The following DIO2 variants were observed in gnomAD, a reference collection of about 807,000 sequenced individuals.
DIO2 encodes type II iodothyronine deiodinase.
In DIO2, 19 loss-of-function variants were observed where a neutral mutation model predicts 21.4. The ratio of observed to expected loss-of-function variants is 0.89; its 90% CI spans 0.62 to 1.30. The LOEUF is 1.30. Ranked by LOEUF, DIO2 falls within the 50% of genes most tolerant of loss-of-function variation. DIO2 has a pLI of 0.00. For missense variants in DIO2, 302 were observed against 338.1 expected (o/e 0.89, Z 0.84); for synonymous variants, 122 against 132.9 (o/e 0.92, Z 0.57).
intron 2 of DIO2, among the ~76,000 whole-genome samples, chr14:80,221,048 A>G (rs1458506110): frequency 6.6e-6 from 1 of 152,228 alleles, no homozygotes; most frequent in Non-Finnish European, 1.5e-5. Context: ...AAAAATTTCA[A>G]ACATATGCAA....
At position 80,198,209 on chromosome 14, in the gene DIO2, C is replaced by T. The variant is rs934934996; in HGVS notation, c.*4480G>A. The T allele has an allele frequency of 1.1e-4, 17 of 152,662 alleles. No individual in the cohort carries two copies. Among genetic ancestry groups the T allele is most frequent in the African/African-American group, 3.6e-4 (15 of 41,534 alleles). 9.5% of individuals were successfully genotyped at this position (152,662 alleles called of 1,614,324 possible). A position where few individuals can be genotyped will look rare whatever the true frequency, so the allele number is the denominator to read the frequency against. On this transcript the variant is annotated 3_prime_UTR_variant, in exon 2 of 2. Transcript: ENST00000438257. ...CTTCATTAAACATCTGCTGGGTCTT[C>T]GAAGTCTCAGTAAATATTGAATAAG...
upstream of DIO2, chr14:80,211,605 A>T (rs1888204887): frequency 1.6e-6 from 1 of 644,558 alleles, no homozygotes; most frequent in Admixed American, 3.0e-5. Flanking sequence ...AAGGGGAAAA[A>T]AAACTAAATT....
intron 1 of DIO2, chr14:80,205,838 T>C: frequency 3.3e-6 from 2 of 604,512 alleles, no homozygotes; most frequent in Non-Finnish European, 4.6e-6. Context: ...GTATTTATTT[T>C]ATTGAATGAA....
At chr14:80,227,349 C>A (rs1057438166) in intron 2 of DIO2, among the ~76,000 whole-genome samples, 2 of 152,162 alleles carry the variant, frequency 1.3e-5, no homozygotes, top group African/African-American at 4.8e-5. Flanking sequence ...GCCTTCAGGA[C>A]CTGCTCGAGC....
chr14:80,212,687 C>A (rs1306223528), upstream of DIO2, among the ~76,000 whole-genome samples: 2 of 151,942 alleles, frequency 1.3e-5, no homozygotes, highest in African/African-American at 2.4e-5. Flanking sequence ...GACCTAGGTC[C>A]TTTAAATTTT....
At chr14:80,230,901 A>G (rs895120169) in intron 2 of DIO2, 9 of 152,284 alleles carry the variant, frequency 5.9e-5, no homozygotes, top group Admixed American at 5.2e-4. Flanking sequence ...ATTATCTTAC[A>G]TGATCACAAC....
At chr14:80,229,652 G>A (rs887724095) in intron 2 of DIO2, among the ~76,000 whole-genome samples, 9 of 152,148 alleles carry the variant, frequency 5.9e-5, no homozygotes, top group South Asian at 4.1e-4. Context: ...TTTCTAGCTC[G>A]CTCACAGTGT....
Position 80,203,252 on chromosome 14 carries a change from C to A in DIO2, c.259G>T (p.Val87Leu), listed in dbSNP as rs1887815472. 6.2e-7 allele frequency: 1 copy of A among 1,602,570 alleles called. No homozygotes were observed. The highest frequency in any genetic ancestry group is 8.5e-7 in the Non-Finnish European group (1 of 1,174,662). ...LGEDAPNSSVVHVSSTEGGDN... is the reference protein window; with the variant it reads ...LGEDAPNSSVLHVSSTEGGDN... ...CCTCCTTCTGTACTGGAGACATGCA[C>A]CACACTGGAATTGGGGGCATCCTCA... The change falls in exon 2 of 2, where the codon GTG becomes TTG. Residue 87 changes from valine (V) to leucine (L), a missense_variant. Transcript: ENST00000438257.
At position 80,203,030 on chromosome 14, in the gene DIO2, TGTAGACCAGC is replaced by T; in HGVS notation, c.471_480del (p.Val159MetfsTer?). 6.2e-7 allele frequency: 1 copy of T among 1,613,916 alleles called. No homozygotes were observed. Among genetic ancestry groups the T allele is most frequent in the Non-Finnish European group, 8.5e-7 (1 of 1,179,864 alleles). On this transcript the variant is annotated frameshift_variant, in exon 2 of 2. Coordinates refer to ENST00000438257, the MANE Select transcript of DIO2 (RefSeq NM_013989.5). LOFTEE classifies it high-confidence loss of function. ...CCATCTGATGGATGAGCCTCATCAA[TGTAGACCAGC>T]AGGAAGTCAGCCACTGAGGAGAACT... is the stretch of plus-strand genomic sequence containing the variant.
chr14:80,202,445 C>T lies in DIO2; in HGVS notation c.*244G>A. 2.8e-6 allele frequency: 2 copies of T among 726,988 alleles called. No individual in the cohort carries two copies. The highest frequency in any genetic ancestry group is 5.1e-6 in the Non-Finnish European group (2 of 395,400). The allele number at this position is 726,988 out of a possible 1,614,324, so 45.0% of individuals were successfully genotyped here. A position where few individuals can be genotyped will look rare whatever the true frequency, so the allele number is the denominator to read the frequency against. Reference sequence around the variant, plus strand: ...TGCTGAATTAGCGTTTCTTCCTCTCCATCTTGGGATCTTTTCACATAGGGC... The same window carrying T: ...TGCTGAATTAGCGTTTCTTCCTCTCTATCTTGGGATCTTTTCACATAGGGC... On this transcript the variant is annotated 3_prime_UTR_variant, in exon 2 of 2. Transcript: ENST00000438257.
In DIO2 at chr14:80,202,110, C is replaced by T. The variant is rs1887751892; in HGVS notation, c.*579G>A. On this transcript the variant is annotated 3_prime_UTR_variant, in exon 2 of 2. Transcript: ENST00000438257. ...TCATTCTCGGTATCTACAAATATAC[C>T]AATAATTTCTGGGGTATGAAGACTG... 5 of 300,146 alleles carry T rather than the reference C, an allele frequency of 1.7e-5. No homozygotes were observed. In the East Asian group the frequency reaches 2.8e-4, roughly 17 times the overall value. The allele number at this position is 300,146 out of a possible 1,614,324, so 18.6% of individuals were successfully genotyped here. A position where few individuals can be genotyped will look rare whatever the true frequency, so the allele number is the denominator to read the frequency against.
At chr14:80,215,294 G>C (rs1321950103), upstream of DIO2, among the ~76,000 whole-genome samples, 1 of 152,114 alleles carries the variant, frequency 6.6e-6, no homozygotes, top group Admixed American at 6.5e-5. Flanking sequence ...TATTCCCATA[G>C]TAAAAGAGCA....
chr14:80,199,023 C>G lies in DIO2; in HGVS notation c.*3666G>C, dbSNP rs1222774299. Reference sequence around the variant, plus strand: ...ACAAATGTCCAGATTCATCCATCCTCTTAAGATTGACATAAAGAGAAGTCC... The same window carrying G: ...ACAAATGTCCAGATTCATCCATCCTGTTAAGATTGACATAAAGAGAAGTCC... On this transcript the variant is annotated 3_prime_UTR_variant, in exon 2 of 2. Transcript: ENST00000438257. The G allele has an allele frequency of 6.6e-6, 1 of 152,244 alleles. No homozygotes were observed. The highest frequency in any genetic ancestry group is 2.4e-5 in the African/African-American group (1 of 41,462). The allele number at this position is 152,244 out of a possible 1,614,324, so 9.4% of individuals were successfully genotyped here.
intron 2 of DIO2, among the ~76,000 whole-genome samples, chr14:80,223,044 T>C (rs761957304): frequency 3.1e-4 from 47 of 151,948 alleles, no homozygotes; most frequent in African/African-American, 1.1e-3. Flanking sequence ...TTATTTTTTG[T>C]AGAGATGGGG....
At chr14:80,207,191 T>C (rs993888146) in intron 1 of DIO2, among the ~76,000 whole-genome samples, 1 of 152,190 alleles carries the variant, frequency 6.6e-6, no homozygotes, top group Non-Finnish European at 1.5e-5. Flanking sequence ...CAAGTTCAAA[T>C]GTTGGAATGG....
chr14:80,205,638 T>G, intron 1 of DIO2: 3 of 1,333,530 alleles, frequency 2.2e-6, no homozygotes, highest in Non-Finnish European at 3.0e-6. Flanking sequence ...AGGCACCTTC[T>G]CCTTCTTAGA....
At chr14:80,223,844 T>A (rs929294060) in intron 2 of DIO2, among the ~76,000 whole-genome samples, 1 of 152,174 alleles carries the variant, frequency 6.6e-6, no homozygotes, top group Non-Finnish European at 1.5e-5. Flanking sequence ...ACAAAGCAGA[T>A]GAAACACATT....
intron 2 of DIO2, among the ~76,000 whole-genome samples, chr14:80,217,599 G>T (rs911279983): frequency 6.6e-6 from 1 of 152,220 alleles, no homozygotes; most frequent in Non-Finnish European, 1.5e-5. Context: ...GATGGACACT[G>T]GGAGTCTTTT....
In DIO2 at chr14:80,211,413, G is replaced by A; in HGVS notation, c.60C>T (p.Ser20=). ...ITLQILPVFF[S]NCLFLALYDS... ...CATAGAGAGCCAGGAAGAGGCAGTT[G>A]GAGAAAAAAACTGGCAGAATTTGCA... is the stretch of plus-strand genomic sequence containing the variant. The change falls in exon 1 of 2, where the codon TCC becomes TCT. Residue 20 remains serine, a synonymous_variant. Transcript: ENST00000438257. The A allele has an allele frequency of 6.2e-7, 1 of 1,613,270 alleles. No individual in the cohort carries two copies. The highest frequency in any genetic ancestry group is 8.5e-7 in the Non-Finnish European group (1 of 1,179,702).
Sources: allele counts gnomAD v4.1 joint callset (sites outside exome capture counted in the v4.1 genomes callset), GRCh38; gene constraint gnomAD v4.1.1; transcripts MANE v1.5; gene names NCBI Gene and HGNC (gene_info 2026-07-23, HGNC 2026-07-21).